Variants in PXDNL observed in about 807,000 individuals in gnomAD.
PXDNL encodes peroxidasin like.
A neutral mutation model predicts 150.8 loss-of-function variants in PXDNL; 145 were observed. The observed-to-expected ratio is 0.96, with a 90% CI of 0.84 to 1.10. PXDNL has a LOEUF of 1.10. Among genes scored for constraint, PXDNL ranks in the 50% least tolerant of loss-of-function variants. The pLI, the probability that PXDNL is intolerant of heterozygous loss-of-function variation, is 0.00. For synonymous variants in PXDNL, 757 were observed against 725.7 expected, an observed-to-expected ratio of 1.04 and a Z score of -0.69; for missense variants, 2,087 against 1,873.9, an observed-to-expected ratio of 1.11 and a Z score of -2.10.
At chr8:51,368,165 T>C (rs901232270) in intron 19 of PXDNL, among the ~76,000 whole-genome samples, 7 of 151,894 alleles carry the variant, frequency 4.6e-5, no homozygotes. Flanking sequence ...AAATGGTGGA[T>C]AACAAAATTC....
At chr8:51,786,051 C>T (rs936779698) in intron 1 of PXDNL, among the ~76,000 whole-genome samples, 1 of 152,096 alleles carries the variant, frequency 6.6e-6, no homozygotes, top group African/African-American at 2.4e-5. Flanking sequence ...CACCAACCAT[C>T]CCCGCTTCAA....
intron 4 of PXDNL, among the ~76,000 whole-genome samples, chr8:51,519,872 TGAGGTCTCAGAGCA>T: frequency 6.6e-6 from 1 of 152,214 alleles, no homozygotes; most frequent in South Asian, 2.1e-4. Flanking sequence ...ACCAGAGAAC[TGAGGTCTCAGAGCA>T]GTGAGCCATC....
At chr8:51,324,522 T>C (rs4500070) in intron 21 of PXDNL, among the ~76,000 whole-genome samples, 66,313 of 152,154 alleles carry the variant, frequency 0.44, 18,171 homozygotes, top group African/African-American at 0.79. Flanking sequence ...GAATTGTCCT[T>C]CCCTTCTCTC....
At chr8:51,482,349 C>T (rs927948552) in intron 6 of PXDNL, among the ~76,000 whole-genome samples, 1 of 152,182 alleles carries the variant, frequency 6.6e-6, no homozygotes, top group Admixed American at 6.5e-5. Flanking sequence ...ACCTGTACCC[C>T]CACTGTATCT....
intron 1 of PXDNL, among the ~76,000 whole-genome samples, chr8:51,690,762 T>C (rs1432506528): frequency 7.3e-5 from 11 of 151,244 alleles, no homozygotes; most frequent in African/African-American, 2.2e-4. Context: ...TCCACAATGG[T>C]TGAACTAGTT....
chr8:51,523,569 A>G (rs1025167669), intron 4 of PXDNL, among the ~76,000 whole-genome samples: 3 of 152,236 alleles, frequency 2.0e-5, no homozygotes, highest in Non-Finnish European at 4.4e-5. Context: ...CAAAGAAAAC[A>G]CAGAAGAATT....
intron 2 of PXDNL, among the ~76,000 whole-genome samples, chr8:51,639,195 T>C (rs562733024): frequency 6.6e-5 from 10 of 152,182 alleles, no homozygotes; most frequent in South Asian, 2.1e-4. Flanking sequence ...GGGACACATT[T>C]AAAGCAGTGT....
intron 17 of PXDNL, among the ~76,000 whole-genome samples, chr8:51,402,948 G>A (rs1808306072): frequency 6.6e-6 from 1 of 151,234 alleles, no homozygotes; most frequent in Non-Finnish European, 1.5e-5. Flanking sequence ...AAATTAGCCG[G>A]GCGAGGTGGC....
At chr8:51,365,515 C>T (rs1228689745) in intron 19 of PXDNL, among the ~76,000 whole-genome samples, 1 of 152,112 alleles carries the variant, frequency 6.6e-6, no homozygotes, top group African/African-American at 2.4e-5. Flanking sequence ...AGGTAAGGAG[C>T]ATACTCCAAG....
At position 51,628,399 on chromosome 8, in the gene PXDNL, C is replaced by CTTTTTTTTTTTTTTTTTTT. The variant is rs71550276; in HGVS notation, c.236+26271_236+26289dup. Among the ~76,000 whole-genome samples, 198 of 69,760 alleles carry CTTTTTTTTTTTTTTTTTTT rather than the reference C, an allele frequency of 2.8e-3. 4 individuals carry two copies. The highest frequency in any genetic ancestry group is 0.034 in the Middle Eastern group (2 of 58). 45.8% of individuals were successfully genotyped at this position (69,760 alleles called of 152,430 possible). A position where few individuals can be genotyped will look rare whatever the true frequency, so the allele number is the denominator to read the frequency against. ...ATCTCTCTCTGTTTTCTTTTCTTTTCTTTTTTTTTTTTTTTTTTTTTTTGG... is the reference window on the plus strand; with the variant it reads ...ATCTCTCTCTGTTTTCTTTTCTTTTCTTTTTTTTTTTTTTTTTTTTTTTTTTTTTTTTTTTTTTTTTTGG... On this transcript the variant is annotated intron_variant, in intron 2 of 22. Coordinates refer to ENST00000356297, the MANE Select transcript of PXDNL (RefSeq NM_144651.5).
intron 1 of PXDNL, among the ~76,000 whole-genome samples, chr8:51,672,517 G>A (rs1014227217): frequency 5.3e-5 from 8 of 152,130 alleles, no homozygotes; most frequent in African/African-American, 1.7e-4. Flanking sequence ...AAGAATAGTA[G>A]AGAAGGAAAT....
chr8:51,399,430 C>T (rs1202634518), intron 17 of PXDNL, among the ~76,000 whole-genome samples: 2 of 152,122 alleles, frequency 1.3e-5, no homozygotes, highest in Non-Finnish European at 2.9e-5. Context: ...GTGCACTTCA[C>T]AATATAGGTG....
chr8:51,431,364 T>C lies in PXDNL; in HGVS notation c.1526-4606A>G, dbSNP rs1042271007. ...TCTTCACTTGTTTCCAAGAAACTTA[T>C]TGGTTTCTTCGAAAACAAAAACATT... is the stretch of plus-strand genomic sequence containing the variant. On this transcript the variant is annotated intron_variant, in intron 12 of 22. Transcript: ENST00000356297. Among the ~76,000 whole-genome samples the C allele has an allele frequency of 3.9e-5, 6 of 152,226 alleles. No individual in the cohort carries two copies. The South Asian group carries it at 6.2e-4, about 16-fold the overall frequency.
intron 6 of PXDNL, among the ~76,000 whole-genome samples, chr8:51,477,726 A>T (rs1810513057): frequency 6.6e-6 from 1 of 152,158 alleles, no homozygotes; most frequent in African/African-American, 2.4e-5. Context: ...ATCCCCTGGG[A>T]GCATCCCGAG....
intron 17 of PXDNL, among the ~76,000 whole-genome samples, chr8:51,387,151 T>C (rs1176925221): frequency 6.6e-6 from 1 of 152,018 alleles, no homozygotes; most frequent in Admixed American, 6.5e-5. Context: ...TGCCACTGCA[T>C]AGATCTCATA....
At chr8:51,577,999 G>GAGGAAGGAAGGAAGGAAGGA (rs200324232) in intron 3 of PXDNL, among the ~76,000 whole-genome samples, 9 of 31,550 alleles carry the variant, frequency 2.9e-4, no homozygotes, top group East Asian at 7.9e-4. Flanking sequence ...AAGAAAGAAA[G>GAGGAAGGAAGGAAGGAAGGA]AGGAAGGAAG....
At chr8:51,380,956 A>G (rs1354952728) in intron 17 of PXDNL, among the ~76,000 whole-genome samples, 2 of 152,188 alleles carry the variant, frequency 1.3e-5, no homozygotes, top group East Asian at 3.8e-4. Flanking sequence ...ATCTTGGACT[A>G]ATTATATTAC....
intron 3 of PXDNL, among the ~76,000 whole-genome samples, chr8:51,579,258 A>G (rs1813154636): frequency 6.6e-6 from 1 of 152,030 alleles, no homozygotes; most frequent in Non-Finnish European, 1.5e-5. Context: ...ACTTAACAGT[A>G]CAAAACCCCA....
At chr8:51,599,741 TATAA>T (rs1813655792) in intron 2 of PXDNL, among the ~76,000 whole-genome samples, 3 of 146,540 alleles carry the variant, frequency 2.0e-5, no homozygotes, top group African/African-American at 7.5e-5. Context: ...TTATATCTTA[TATAA>T]ATGATATCGT....
Sources: allele counts gnomAD v4.1 joint callset (sites outside exome capture counted in the v4.1 genomes callset), GRCh38; gene constraint gnomAD v4.1.1; transcripts MANE v1.5; gene names NCBI Gene and HGNC (gene_info 2026-07-23, HGNC 2026-07-21).